PKD2L1: variants seen among roughly 807,000 people sequenced by gnomAD.
PKD2L1 encodes the protein polycystin 2 like 1, transient receptor potential cation channel.
PKD2L1 carries 77 observed loss-of-function variants against 93.0 expected under a neutral mutation model. The observed-to-expected ratio is 0.83, with a 90% confidence interval of 0.69 to 1.00. The LOEUF (loss-of-function observed/expected upper bound fraction) is 1.00, where lower values mean the gene tolerates loss of function less well. Among genes scored for constraint, PKD2L1 ranks in the 50% least tolerant of loss-of-function variants. The probability of loss-of-function intolerance (pLI) is 0.00; values close to 1 mark genes in which losing one functional copy is unlikely to be tolerated. For synonymous variants in PKD2L1, 390 were observed against 388.0 expected, an observed-to-expected ratio of 1.01 and a Z score of -0.06; for missense variants, 977 against 990.9, an observed-to-expected ratio of 0.99 and a Z score of 0.19.
At chr10:100,329,068 T>G in intron 2 of PKD2L1, 143 bp downstream of exon 2, 2 of 675,530 alleles carry the variant, frequency 3.0e-6, no homozygotes, top group Non-Finnish European at 4.9e-6. Flanking sequence ...ATTGGAATAT[T>G]GTTATCTAAA....
chr10:100,306,813 G>A (rs1312081893), intron 2 of PKD2L1, among the ~76,000 whole-genome samples: 4 of 127,650 alleles, frequency 3.1e-5, no homozygotes, highest in African/African-American at 5.9e-5. Context: ...AGTCATGATC[G>A]TGCCACTGCC....
In PKD2L1 at chr10:100,330,058, C is replaced by G; in HGVS notation, c.46G>C (p.Gly16Arg). The stretch of plus-strand genomic sequence containing the variant: ...GCGGGGTTGTCCCAGGCTCCACTCC[C>G]CAGCTTTTGCAGCTCCTGCCCCTCA... ...SPEGQELQKL[G>R]SGAWDNPAYS... Residue 16 changes from glycine to arginine, a missense_variant, in exon 1 of 16, where the codon GGG (glycine) becomes CGG (arginine). Gly to Arg is a moderately radical substitution (Grantham distance 125). Coordinates refer to ENST00000318222, the MANE Select transcript of PKD2L1 (RefSeq NM_016112.3). 1 of 1,606,894 alleles carries G rather than the reference C, an allele frequency of 6.2e-7. No homozygotes were observed. Among genetic ancestry groups the G allele is most frequent in the Non-Finnish European group, 8.5e-7 (1 of 1,175,352 alleles).
chr10:100,288,502 A>C, intron 15 of PKD2L1, 24 bp from the exon 16 acceptor site: 1 of 1,428,376 alleles, frequency 7.0e-7, no homozygotes, highest in Non-Finnish European at 9.9e-7. Context: ...CGAGAAACCC[A>C]TGGGTGCTAG....
intron 2 of PKD2L1, among the ~76,000 whole-genome samples, chr10:100,323,564 C>T (rs1055253768): frequency 5.3e-5 from 8 of 152,012 alleles, no homozygotes; most frequent in African/African-American, 4.8e-5. Flanking sequence ...CCACGGCGCC[C>T]GGCTCACTCT....
chr10:100,312,795 G>A (rs1848963429), intron 2 of PKD2L1, among the ~76,000 whole-genome samples: 1 of 151,898 alleles, frequency 6.6e-6, no homozygotes. Flanking sequence ...TACGAAGACA[G>A]CAATCAAACC....
chr10:100,310,146 C>A (rs1006520329), intron 2 of PKD2L1, among the ~76,000 whole-genome samples: 5 of 152,124 alleles, frequency 3.3e-5, no homozygotes, highest in Non-Finnish European at 4.4e-5. Context: ...CCACCCTGGG[C>A]AACAGGGTGA....
intron 2 of PKD2L1, among the ~76,000 whole-genome samples, chr10:100,326,672 T>A (rs1031323690): frequency 3.3e-5 from 5 of 152,254 alleles, no homozygotes. Flanking sequence ...TTTTAATATA[T>A]GCCAGGCACT....
In PKD2L1 at chr10:100,303,382, G is replaced by A. The variant is rs145981814; in HGVS notation, c.350-3664C>T. ...CTAATTTTATATTTTTAGTAGAGAC[G>A]GGGTTTCTCCATATTGGTCTCGAAC... On this transcript the variant is annotated intron_variant, in intron 2 of 15. Transcript: ENST00000318222. 1.3e-4 allele frequency among the ~76,000 whole-genome samples: 19 copies of A among 151,982 alleles called. No individual in the cohort carries two copies. The East Asian group carries it at 2.7e-3, about 22-fold the overall frequency.
In PKD2L1 at chr10:100,288,353, G is replaced by T; in HGVS notation, c.*43C>A. 1 of 1,294,672 alleles carries T rather than the reference G, an allele frequency of 7.7e-7. No individual in the cohort carries two copies. The highest frequency in any genetic ancestry group is 1.1e-6 in the Non-Finnish European group (1 of 889,058). The allele number at this position is 1,294,672 out of a possible 1,614,324, so 80.2% of individuals were successfully genotyped here. A position where few individuals can be genotyped will look rare whatever the true frequency, so the allele number is the denominator to read the frequency against. On this transcript the variant is annotated 3_prime_UTR_variant, in exon 16 of 16. Coordinates refer to ENST00000318222, the MANE Select transcript of PKD2L1 (RefSeq NM_016112.3). The stretch of plus-strand genomic sequence containing the variant: ...TCAGTGGACCAGGAGGCAGCCTCTT[G>T]CAGAAGATCCTTCATAGACTTTGCT...
rs1848486470 is a variant in PKD2L1, at chr10:100,294,769, G to A, written c.1539-114C>T. On this transcript the variant is annotated intron_variant, in intron 8 of 15. Transcript: ENST00000318222. ...TTCACCCCAATCTGATAGACACAGGGCAGGGTGCTTAGATTATTTAAGCAC... is the reference window on the plus strand; with the variant it reads ...TTCACCCCAATCTGATAGACACAGGACAGGGTGCTTAGATTATTTAAGCAC... The A allele has an allele frequency of 6.8e-6, 10 of 1,460,712 alleles. No homozygotes were observed. In the South Asian group the frequency reaches 1.2e-4, roughly 17 times the overall value. The allele number at this position is 1,460,712 out of a possible 1,614,324, so 90.5% of individuals were successfully genotyped here.
intron 1 of PKD2L1, among the ~76,000 whole-genome samples, 174 bp from the exon 2 acceptor site, chr10:100,329,498 T>C (rs533233896): frequency 1.8e-4 from 27 of 152,270 alleles, no homozygotes; most frequent in Admixed American, 1.4e-3. Flanking sequence ...GCTCTTCCCA[T>C]CAGCTCCCTG....
In PKD2L1 at chr10:100,294,995, G is replaced by A. The variant is rs1445573848; in HGVS notation, c.1485C>T (p.Gly495=). 1 of 1,614,198 alleles carries A rather than the reference G, an allele frequency of 6.2e-7. No individual in the cohort carries two copies. The highest frequency in any genetic ancestry group is 8.5e-7 in the Non-Finnish European group (1 of 1,180,036). ...CCACTTGGGTCCCGAAAAGCAGGTA[G>A]CCGAGTTGGGCATAGGCGAAGAAAA... is the stretch of plus-strand genomic sequence containing the variant. ...FIVFFAYAQL[G]YLLFGTQVEN... is the part of the protein sequence containing the mutation. Residue 495 remains glycine, a synonymous_variant, in exon 8 of 16, where the codon GGC becomes GGT. Coordinates refer to ENST00000318222, the MANE Select transcript of PKD2L1 (RefSeq NM_016112.3).
chr10:100,322,788 A>G (rs1849291368), intron 2 of PKD2L1, among the ~76,000 whole-genome samples: 1 of 152,220 alleles, frequency 6.6e-6, no homozygotes, highest in Non-Finnish European at 1.5e-5. Flanking sequence ...TATGAGCAAT[A>G]CATTTCCAGA....
intron 2 of PKD2L1, among the ~76,000 whole-genome samples, chr10:100,300,815 T>C (rs1316061396): frequency 6.6e-6 from 1 of 151,776 alleles, no homozygotes; most frequent in Non-Finnish European, 1.5e-5. Flanking sequence ...TCAAACTGTG[T>C]ATTTTTTGCC....
At chr10:100,306,639 A>G (rs1009060826) in intron 2 of PKD2L1, among the ~76,000 whole-genome samples, 5 of 151,966 alleles carry the variant, frequency 3.3e-5, no homozygotes, top group African/African-American at 4.8e-5. Flanking sequence ...AAGCGAGTGG[A>G]CTACTTGAGA....
chr10:100,314,989 A>AG (rs1564891205), intron 2 of PKD2L1, among the ~76,000 whole-genome samples: 1 of 13,038 alleles, frequency 7.7e-5, no homozygotes, highest in Non-Finnish European at 1.2e-4. Context: ...GAAGGAAGGA[A>AG]GGAAGGAAGG....
intron 2 of PKD2L1, among the ~76,000 whole-genome samples, chr10:100,313,839 C>T (rs896512195): frequency 6.6e-6 from 1 of 152,162 alleles, no homozygotes; most frequent in African/African-American, 2.4e-5. Flanking sequence ...AGACTTTACG[C>T]AGACAGATTT....
At chr10:100,321,668 AAAGAAAG>A (rs1849232176) in intron 2 of PKD2L1, among the ~76,000 whole-genome samples, 2 of 598 alleles carry the variant, frequency 3.3e-3, no homozygotes, top group African/African-American at 4.5e-3. Flanking sequence ...GTGAGAAAAG[AAAGAAAG>A]AAAGAAAGAA....
intron 2 of PKD2L1, among the ~76,000 whole-genome samples, chr10:100,301,892 T>C (rs1848686597): frequency 6.6e-6 from 1 of 152,198 alleles, no homozygotes; most frequent in Non-Finnish European, 1.5e-5. Context: ...GGTCCCTCCA[T>C]TCGGGGTCCC....
Sources: allele counts gnomAD v4.1 joint callset (sites outside exome capture counted in the v4.1 genomes callset), GRCh38; gene constraint gnomAD v4.1.1; transcripts MANE v1.5; gene names NCBI Gene and HGNC (gene_info 2026-07-23, HGNC 2026-07-21).